Variants in FKBP11 observed in about 807,000 individuals in gnomAD.
FKBP11 encodes FKBP prolyl isomerase 11.
Under a neutral mutation model 24.7 loss-of-function variants are expected in FKBP11, and 21 were observed. The observed-to-expected ratio is 0.85, with a 90% CI of 0.60 to 1.23. FKBP11 has a LOEUF of 1.23. FKBP11 is among the 50% of genes most tolerant of loss of function. The pLI is 0.00. For synonymous variants in FKBP11, 106 were observed against 100.6 expected (o/e 1.05, Z -0.32); for missense variants, 245 against 248.7 (o/e 0.99, Z 0.10).
At chr12:48,923,928 C>T (rs767499492) in intron 4 of FKBP11, 76 bp from the exon 5 acceptor site, 5 of 1,401,104 alleles carry the variant, frequency 3.6e-6, no homozygotes, top group South Asian at 2.3e-5. Context: ...GAAGCTCCTT[C>T]AGCAAAACCC....
the FKBP11 span, among the ~76,000 whole-genome samples, chr12:48,933,443 T>G: frequency 6.6e-6 from 1 of 152,174 alleles, no homozygotes; most frequent in African/African-American, 2.4e-5. Context: ...GGCTCATGCC[T>G]GTAATCCCAG....
At chr12:48,924,412 G>T (rs1939905752) in intron 3 of FKBP11, 149 bp downstream of exon 3, 2 of 1,161,526 alleles carry the variant, frequency 1.7e-6, no homozygotes, top group Non-Finnish European at 1.3e-6. Context: ...TGGAGTACTA[G>T]AAGTGAGGTT....
chr12:48,927,946 T>G (rs141622018), upstream of FKBP11, among the ~76,000 whole-genome samples: 5 of 151,650 alleles, frequency 3.3e-5, no homozygotes, highest in Non-Finnish European at 5.9e-5. Context: ...AAAAAAAGAC[T>G]AGTCAAGTGC....
chr12:48,931,375 G>A (rs749161638), upstream of FKBP11: 2 of 1,525,874 alleles, frequency 1.3e-6, no homozygotes, highest in South Asian at 2.4e-5. Flanking sequence ...AGTAGAAATG[G>A]AAAGGGCAAA....
the FKBP11 span, chr12:48,936,159 C>T: frequency 1.3e-5 from 2 of 152,558 alleles, no homozygotes; most frequent in African/African-American, 4.8e-5. Context: ...CACCATGAAA[C>T]TACTGTCCCA....
the FKBP11 span, among the ~76,000 whole-genome samples, chr12:48,932,245 ATATATATATATATATATTTTTTTTTTTTT>A: frequency 0.018 from 719 of 39,486 alleles, 4 homozygotes; most frequent in South Asian, 0.071. Flanking sequence ...ATATATATAT[ATATATATATATATATATTTTTTTTTTTTT>A]TTTTTTTTTT....
chr12:48,934,482 T>C, the FKBP11 span, among the ~76,000 whole-genome samples: 11 of 152,056 alleles, frequency 7.2e-5, no homozygotes, highest in Non-Finnish European at 1.6e-4. Context: ...CTCCTCTTCA[T>C]CCCCTATCCC....
At chr12:48,922,405 T>C (rs1939856710) in intron 5 of FKBP11, 7 of 680,632 alleles carry the variant, frequency 1.0e-5, no homozygotes, top group South Asian at 3.3e-5. Flanking sequence ...TGACCCCAAC[T>C]ACACATGTGG....
At chr12:48,923,037 A>T in intron 5 of FKBP11, 1 of 751,904 alleles carries the variant, frequency 1.3e-6, no homozygotes, top group Non-Finnish European at 1.9e-6. Context: ...AATCCCAGCT[A>T]CTCGGGAGGC....
chr12:48,927,475 CTG>C (rs1405166169), upstream of FKBP11, among the ~76,000 whole-genome samples: 1 of 152,202 alleles, frequency 6.6e-6, no homozygotes, highest in East Asian at 1.9e-4. Flanking sequence ...TACTTACAAT[CTG>C]TGCATTTCAC....
At chr12:48,922,458 G>T in intron 5 of FKBP11, 1 of 910,006 alleles carries the variant, frequency 1.1e-6, no homozygotes. Context: ...AAAACTTTCT[G>T]TGAATATGAA....
chr12:48,923,422 G>GC (rs1939880582), intron 5 of FKBP11: 8 of 1,436,828 alleles, frequency 5.6e-6, no homozygotes, highest in East Asian at 5.5e-5. Context: ...AGGAAGGGGT[G>GC]GGGGGTGGCT....
chr12:48,924,010 A>G (rs1173901867), intron 4 of FKBP11, 158 bp from the exon 5 acceptor site: 3 of 890,362 alleles, frequency 3.4e-6, no homozygotes, highest in Non-Finnish European at 5.6e-6. Context: ...AAAGGTGTCC[A>G]TCTCCCCATG....
Position 48,924,560 on chromosome 12 carries a change from C to CTTTTGGACAAAA in FKBP11, c.283_283+1insTTTTGTCCAAAA (p.Gly95delinsValLeuSerLysSer). The CTTTTGGACAAAA allele has an allele frequency of 6.2e-7, 1 of 1,613,584 alleles. No individual in the cohort carries two copies. The highest frequency in any genetic ancestry group is 1.1e-5 in the South Asian group (1 of 91,060). On this transcript the variant is annotated protein_altering_variant and splice_region_variant. Coordinates refer to ENST00000550765, the MANE Select transcript of FKBP11 (RefSeq NM_016594.3). ...TGGAATGGGAGGCACAGGTCACATACCTGGAATCACCTGCTTTTGGCCAAG... is the reference window on the plus strand; with the variant it reads ...TGGAATGGGAGGCACAGGTCACATACTTTTGGACAAAACTGGAATCACCTGCTTTTGGCCAAG...
chr12:48,930,465 T>G (rs754599642), upstream of FKBP11, among the ~76,000 whole-genome samples: 46 of 152,244 alleles, frequency 3.0e-4, no homozygotes, highest in Admixed American at 1.0e-3. Context: ...TTACTTTGGT[T>G]ATAATTTTTT....
chr12:48,923,618 G>A (rs369150937), intron 5 of FKBP11, 164 bp downstream of exon 5: 57 of 1,556,202 alleles, frequency 3.7e-5, no homozygotes, highest in Non-Finnish European at 4.3e-5. Context: ...TTGGTGATAT[G>A]AGGAGGAAAA....
At position 48,921,968 on chromosome 12, in the gene FKBP11, T is replaced by A. The variant is rs1812267042; in HGVS notation, c.*16A>T. On this transcript the variant is annotated 3_prime_UTR_variant, in exon 6 of 6. Transcript: ENST00000550765. ...AGATGAAGAATGCAAATAAGTTTTT[T>A]AAAATTTATTATTTATTATTTCTTT... 4 of 1,540,814 alleles carry A rather than the reference T, an allele frequency of 2.6e-6. No individual in the cohort carries two copies. The highest frequency in any genetic ancestry group is 2.6e-6 in the Non-Finnish European group (3 of 1,146,628).
At chr12:48,929,122 C>T (rs563800528), upstream of FKBP11, among the ~76,000 whole-genome samples, 181 of 151,594 alleles carry the variant, frequency 1.2e-3, no homozygotes, top group African/African-American at 4.1e-3. Context: ...CCACCGCGCC[C>T]GGCCTTTAAA....
At chr12:48,933,938 G>A in the FKBP11 span, among the ~76,000 whole-genome samples, 2 of 152,066 alleles carry the variant, frequency 1.3e-5, no homozygotes, top group South Asian at 4.2e-4. Flanking sequence ...CAGCAGCAAT[G>A]GAAGGGGTGT....
Sources: gnomAD v4.1 joint callset for allele counts (sites outside exome capture counted in the v4.1 genomes callset) on GRCh38, gnomAD v4.1.1 for gene constraint, MANE v1.5 for transcripts, NCBI Gene and HGNC (gene_info 2026-07-23, HGNC 2026-07-21) for gene names.